SNX8: variants seen among roughly 807,000 people sequenced by gnomAD.
The protein encoded by SNX8 is sorting nexin-8.
In SNX8, 25 loss-of-function variants were observed where a neutral mutation model predicts 51.6. That is an observed-to-expected ratio of 0.48 (90% CI 0.35 to 0.68). SNX8 has a LOEUF of 0.68. SNX8 is among the 30% of genes least tolerant of loss of function. SNX8 has a pLI of 0.00. For missense variants in SNX8, 695 were observed against 624.0 expected, an observed-to-expected ratio of 1.11 and a Z score of -1.21; for synonymous variants, 324 against 277.0, an observed-to-expected ratio of 1.17 and a Z score of -1.68.
intron 1 of SNX8, among the ~76,000 whole-genome samples, chr7:2,307,500 T>C (rs1455049814): frequency 1.3e-5 from 2 of 151,670 alleles, no homozygotes; most frequent in Non-Finnish European, 2.9e-5. Flanking sequence ...GGTGCGGTGG[T>C]GGACACGTGT....
At chr7:2,258,207 G>A (rs142394387) in intron 7 of SNX8, among the ~76,000 whole-genome samples, 60 of 152,060 alleles carry the variant, frequency 3.9e-4, no homozygotes, top group East Asian at 5.8e-4. Flanking sequence ...TAGTAGAGAC[G>A]GGGTTTCACC....
chr7:2,276,444 T>C (rs1795782437), intron 2 of SNX8, among the ~76,000 whole-genome samples: 1 of 152,140 alleles, frequency 6.6e-6, no homozygotes, highest in Non-Finnish European at 1.5e-5. Flanking sequence ...TCGGACCGTG[T>C]GGCCACAGGC....
upstream of SNX8, among the ~76,000 whole-genome samples, chr7:2,316,614 C>T (rs1354730763): frequency 6.7e-6 from 1 of 149,512 alleles, no homozygotes; most frequent in African/African-American, 2.6e-5. Flanking sequence ...CGCACTGCAT[C>T]CTGCATTCAT....
intron 1 of SNX8, among the ~76,000 whole-genome samples, chr7:2,296,621 G>A (rs1315874754): frequency 1.3e-5 from 2 of 151,928 alleles, no homozygotes; most frequent in Non-Finnish European, 2.9e-5. Context: ...CTTATTTAAT[G>A]TGATGTAACA....
chr7:2,299,877 G>A (rs1796354502), intron 1 of SNX8, among the ~76,000 whole-genome samples: 1 of 152,060 alleles, frequency 6.6e-6, no homozygotes. Flanking sequence ...AAAATTCCAA[G>A]CAGTCAGCCA....
intron 1 of SNX8, among the ~76,000 whole-genome samples, chr7:2,309,319 T>C (rs1796613582): frequency 6.6e-6 from 1 of 152,108 alleles, no homozygotes; most frequent in Middle Eastern, 3.2e-3. Context: ...GTCAGGAGTT[T>C]GAGATCATCC....
At chr7:2,259,276 C>T (rs1299979100) in intron 7 of SNX8, among the ~76,000 whole-genome samples, 2 of 152,316 alleles carry the variant, frequency 1.3e-5, no homozygotes, top group Non-Finnish European at 1.5e-5. Context: ...GGGAAACCCC[C>T]GACACTGACG....
rs116935355 is a variant in SNX8 at position 2,262,195 on chromosome 7, C to T, written c.915+1035G>A. 3.9e-5 allele frequency among the ~76,000 whole-genome samples: 6 copies of T among 152,084 alleles called. 1 individual carries two copies. The South Asian group carries it at 8.3e-4, about 21-fold the overall frequency. ...TGGGACTACAGACACGCACCACCAC[C>T]CCTGGCTAATTTTTTTTTATTTTTG... On this transcript the variant is annotated intron_variant, in intron 7 of 10. Transcript: ENST00000222990.
intron 1 of SNX8, among the ~76,000 whole-genome samples, chr7:2,329,446 T>C (rs577659054): frequency 3.3e-4 from 51 of 152,290 alleles, no homozygotes; most frequent in Middle Eastern, 3.4e-3. Flanking sequence ...AACTACGTTG[T>C]TTTTCGTGCG....
intron 1 of SNX8, among the ~76,000 whole-genome samples, chr7:2,306,177 T>G (rs1796541097): frequency 6.6e-6 from 1 of 152,100 alleles, no homozygotes; most frequent in African/African-American, 2.4e-5. Flanking sequence ...AGTCTTGTTC[T>G]GTCGCCCAGG....
chr7:2,267,800 G>A (rs1271843643), intron 5 of SNX8, among the ~76,000 whole-genome samples: 1 of 125,678 alleles, frequency 8.0e-6, no homozygotes, highest in Non-Finnish European at 1.7e-5. Flanking sequence ...GAGCCCCTCT[G>A]CCTGGCTGCC....
At chr7:2,347,456 G>C (rs1460861390) in intron 1 of SNX8, among the ~76,000 whole-genome samples, 51 of 143,982 alleles carry the variant, frequency 3.5e-4, no homozygotes, top group Non-Finnish European at 1.7e-4. Flanking sequence ...ACTCCAGCTT[G>C]GGCGACAGAG....
chr7:2,272,522 C>A (rs1488169522), intron 3 of SNX8, among the ~76,000 whole-genome samples: 3 of 151,852 alleles, frequency 2.0e-5, no homozygotes, highest in Non-Finnish European at 4.4e-5. Context: ...ATTACAGGGG[C>A]CCGCCAACAT....
intron 1 of SNX8, among the ~76,000 whole-genome samples, chr7:2,344,942 C>T (rs1461851079): frequency 6.6e-6 from 1 of 152,108 alleles, no homozygotes; most frequent in African/African-American, 2.4e-5. Context: ...AATGCAAATT[C>T]AAACAACACG....
chr7:2,318,367 ATGAGGAAACCAC>A (rs1224161393), upstream of SNX8, among the ~76,000 whole-genome samples: 1 of 151,978 alleles, frequency 6.6e-6, no homozygotes, highest in Non-Finnish European at 1.5e-5. Context: ...CCTGGCCAAC[ATGAGGAAACCAC>A]TACAGTCTCT....
At chr7:2,273,872 C>T (rs1795710082) in intron 3 of SNX8, among the ~76,000 whole-genome samples, 1 of 151,796 alleles carries the variant, frequency 6.6e-6, no homozygotes, top group Admixed American at 6.6e-5. Flanking sequence ...CCACTGCACT[C>T]CAGCCTGGGC....
At chr7:2,274,573 A>G (rs1287976033) in intron 3 of SNX8, among the ~76,000 whole-genome samples, 1 of 152,234 alleles carries the variant, frequency 6.6e-6, no homozygotes, top group Admixed American at 6.5e-5. Context: ...GCCCGAGGCC[A>G]TCTTCAGGCA....
intron 1 of SNX8, among the ~76,000 whole-genome samples, chr7:2,285,016 T>C (rs1377485320): frequency 9.2e-5 from 14 of 151,794 alleles, no homozygotes; most frequent in Admixed American, 3.3e-4. Context: ...ATCGAGACCA[T>C]CCTGGCTAAC....
upstream of SNX8, among the ~76,000 whole-genome samples, chr7:2,315,748 ACT>A (rs1796743781): frequency 6.9e-6 from 1 of 145,888 alleles, no homozygotes; most frequent in Admixed American, 6.8e-5. Flanking sequence ...TCACCCACTC[ACT>A]CACTTACTGC....
Sources: gnomAD v4.1 joint callset for allele counts (sites outside exome capture counted in the v4.1 genomes callset) on GRCh38, gnomAD v4.1.1 for gene constraint, MANE v1.5 for transcripts, NCBI Gene and HGNC (gene_info 2026-07-23, HGNC 2026-07-21) for gene names.